The following CCDC146 variants were observed in gnomAD, a reference collection of about 807,000 sequenced individuals.
CCDC146 encodes the protein coiled-coil domain-containing protein 146.
Under a neutral mutation model 119.3 loss-of-function variants are expected in CCDC146, and 92 were observed. That is an observed-to-expected ratio of 0.77 (90% CI 0.65 to 0.92). The LOEUF (loss-of-function observed/expected upper bound fraction) is 0.92. Ranked by LOEUF, CCDC146 falls within the 40% of genes least tolerant of loss-of-function variation. CCDC146 has a pLI of 0.00. For synonymous variants in CCDC146, 372 were observed against 371.8 expected, an observed-to-expected ratio of 1.00 and a Z score of -0.01; for missense variants, 1,000 against 1,103.0, an observed-to-expected ratio of 0.91 and a Z score of 1.32.
At chr7:77,247,831 G>A (rs1288396190) in intron 4 of CCDC146, among the ~76,000 whole-genome samples, 2 of 152,180 alleles carry the variant, frequency 1.3e-5, no homozygotes, top group Non-Finnish European at 2.9e-5. Context: ...CTTATACATT[G>A]TTGCTAGGAA....
At chr7:77,200,933 TA>T (rs1791975610) in intron 2 of CCDC146, among the ~76,000 whole-genome samples, 1 of 152,224 alleles carries the variant, frequency 6.6e-6, no homozygotes, top group Non-Finnish European at 1.5e-5. Flanking sequence ...GGCAAAAATC[TA>T]AATGTTTTAT....
chr7:77,293,298 A>G (rs979956730), intron 18 of CCDC146, 98 bp downstream of exon 18: 16 of 1,251,984 alleles, frequency 1.3e-5, no homozygotes, highest in African/African-American at 7.5e-5. Flanking sequence ...AAATTTCCCC[A>G]CTCTACCACA....
chr7:77,292,914 T>C, intron 17 of CCDC146, 38 bp from the exon 18 acceptor site: 4 of 1,591,230 alleles, frequency 2.5e-6, no homozygotes, highest in Non-Finnish European at 3.4e-6. Context: ...CTTTGTGGAC[T>C]GTATACATAG....
chr7:77,291,475 C>G (rs546783782), intron 17 of CCDC146, among the ~76,000 whole-genome samples: 1 of 151,310 alleles, frequency 6.6e-6, no homozygotes, highest in South Asian at 2.1e-4. Context: ...GAGGCCATGG[C>G]GGGTAGATTG....
intron 4 of CCDC146, among the ~76,000 whole-genome samples, chr7:77,249,814 T>C (rs917199038): frequency 5.3e-5 from 8 of 152,234 alleles, no homozygotes; most frequent in Admixed American, 2.6e-4. Flanking sequence ...TGATTACTGT[T>C]GTAGTTGGGT....
chr7:77,279,233 C>A, intron 13 of CCDC146, 132 bp downstream of exon 13: 1 of 699,202 alleles, frequency 1.4e-6, no homozygotes, highest in Non-Finnish European at 2.3e-6. Context: ...CACTGCCCTC[C>A]AGCCTGGGTG....
intron 2 of CCDC146, among the ~76,000 whole-genome samples, chr7:77,180,269 T>C (rs1791566006): frequency 7.4e-6 from 1 of 134,898 alleles, no homozygotes; most frequent in African/African-American, 3.6e-5. Flanking sequence ...TGCACCACCA[T>C]ACACAGACAC....
intron 1 of CCDC146, among the ~76,000 whole-genome samples, chr7:77,129,502 C>T (rs1004922316): frequency 3.3e-5 from 5 of 151,990 alleles, no homozygotes; most frequent in African/African-American, 1.2e-4. Context: ...TAGAATGAAT[C>T]TTCTGCCTGT....
chr7:77,254,368 T>C (rs3114318), intron 4 of CCDC146, 138 bp from the exon 5 acceptor site: 524,836 of 566,190 alleles, frequency 0.93, 243,626 homozygotes, highest in African/African-American at 0.98. Context: ...TCAGGAAAGG[T>C]GTCATAAAGA....
intron 9 of CCDC146, among the ~76,000 whole-genome samples, chr7:77,264,166 C>T (rs1448893248): frequency 6.6e-6 from 1 of 151,972 alleles, no homozygotes; most frequent in Non-Finnish European, 1.5e-5. Context: ...TACTTTTTGC[C>T]TTAAAATATT....
At chr7:77,277,831 CTCTT>C in intron 11 of CCDC146, among the ~76,000 whole-genome samples, 1 of 52,174 alleles carries the variant, frequency 1.9e-5, no homozygotes, top group East Asian at 7.2e-4. Context: ...GGCTGACAAA[CTCTT>C]TCCTCTGGTT....
chr7:77,257,879 A>G (rs1357681462), intron 6 of CCDC146: 3 of 152,296 alleles, frequency 2.0e-5, no homozygotes, highest in African/African-American at 7.2e-5. Context: ...AGACAAACTT[A>G]GCTTCCGAGC....
chr7:77,285,364 C>T (rs1793830183), intron 15 of CCDC146, among the ~76,000 whole-genome samples: 2 of 152,020 alleles, frequency 1.3e-5, no homozygotes, highest in Admixed American at 6.6e-5. Context: ...TATGTATGTA[C>T]ACTTCAATTC....
chr7:77,127,000 TC>T (rs1474550169), intron 1 of CCDC146, among the ~76,000 whole-genome samples: 1 of 151,796 alleles, frequency 6.6e-6, no homozygotes, highest in Non-Finnish European at 1.5e-5. Context: ...CCAACCCCAC[TC>T]CAAGATCTGA....
chr7:77,260,486 G>A (rs187454502), intron 8 of CCDC146, among the ~76,000 whole-genome samples: 1 of 152,336 alleles, frequency 6.6e-6, no homozygotes, highest in Non-Finnish European at 1.5e-5. Context: ...GTTTCTGAAT[G>A]TGCCTTTGGA....
chr7:77,144,878 C>T (rs1790991011), intron 1 of CCDC146, among the ~76,000 whole-genome samples: 1 of 150,866 alleles, frequency 6.6e-6, no homozygotes, highest in Non-Finnish European at 1.5e-5. Context: ...CTAAAATTCT[C>T]TTTTTTTTTC....
intron 1 of CCDC146, among the ~76,000 whole-genome samples, chr7:77,133,044 G>T (rs573979309): frequency 1.3e-5 from 2 of 151,752 alleles, no homozygotes; most frequent in Admixed American, 1.3e-4. Context: ...GGTGGTACAC[G>T]CCTGCAATCC....
intron 2 of CCDC146, chr7:77,195,679 A>G (rs1791853510): frequency 1.3e-5 from 2 of 152,092 alleles, no homozygotes; most frequent in Non-Finnish European, 2.9e-5. Flanking sequence ...TTTGTTTGAG[A>G]CAGAGTTTTC....
intron 17 of CCDC146, among the ~76,000 whole-genome samples, chr7:77,292,199 CAGG>C (rs1230153289): frequency 6.6e-6 from 1 of 152,048 alleles, no homozygotes; most frequent in African/African-American, 2.4e-5. Context: ...GAGGCTGAGG[CAGG>C]AGAATTGCTT....
Sources: gnomAD v4.1 joint callset for allele counts (sites outside exome capture counted in the v4.1 genomes callset) on GRCh38, gnomAD v4.1.1 for gene constraint, MANE v1.5 for transcripts, NCBI Gene and HGNC (gene_info 2026-07-23, HGNC 2026-07-21) for gene names.